Variants in SUZ12 observed in about 807,000 individuals in gnomAD.
SUZ12 encodes SUZ12 polycomb repressive complex 2 subunit, also known as polycomb protein SUZ12.
Under a neutral mutation model 87.3 loss-of-function variants are expected in SUZ12, and 17 were observed. The ratio of observed to expected loss-of-function variants is 0.19; its 90% confidence interval spans 0.13 to 0.29. The LOEUF is 0.29. SUZ12 is among the 10% of genes least tolerant of loss of function. The pLI, the probability that SUZ12 is intolerant of heterozygous loss-of-function variation, is 1.00. For synonymous variants in SUZ12, 253 were observed against 312.4 expected (o/e 0.81, Z 2.01); for missense variants, 526 against 912.2 (o/e 0.58, Z 5.45).
chr17:31,991,402 G>A (rs1179388404), intron 10 of SUZ12, among the ~76,000 whole-genome samples: 2 of 144,786 alleles, frequency 1.4e-5, no homozygotes, highest in Non-Finnish European at 2.9e-5. Flanking sequence ...CAGGGGAAAG[G>A]TTTTGCAAGT....
chr17:31,937,351 G>T lies in SUZ12; in HGVS notation c.105G>T (p.Thr35=). 6.7e-7 allele frequency: 1 copy of T among 1,488,766 alleles called. No homozygotes were observed. 92.2% of individuals were successfully genotyped at this position (1,488,766 alleles called of 1,614,324 possible). A position where few individuals can be genotyped will look rare whatever the true frequency, so the allele number is the denominator to read the frequency against. ...FGGSAAVAAA[T]ASGGKSGGGS... ...GTTCGGCGGCGGTGGCGGCGGCGAC[G>T]GCTTCGGGCGGCAAATCCGGCGGCG... Residue 35 remains threonine (T), a synonymous_variant, in exon 1 of 16, where the codon ACG becomes ACT. Transcript: ENST00000322652.
chr17:31,975,497 A>G lies in SUZ12; in HGVS notation c.607A>G (p.Ile203Val), dbSNP rs368713662. The G allele has an allele frequency of 2.7e-5, 44 of 1,612,954 alleles. No homozygotes were observed. The highest frequency in any genetic ancestry group is 3.4e-5 in the Non-Finnish European group (40 of 1,179,492). Residue 203 changes from isoleucine to valine, a missense_variant, in exon 7 of 16, where the codon ATA becomes GTA. Transcript: ENST00000322652. ...ACCTTTGCAGGATGTAAGTTGTCCA[A>G]TAAGGCAAGTTCCCACAGGTAAAAA... is the stretch of plus-strand genomic sequence containing the variant. ...HKKRKDVSCP[I>V]RQVPTGKKQV...
intron 4 of SUZ12, among the ~76,000 whole-genome samples, chr17:31,963,182 T>C (rs1308897367): frequency 6.6e-6 from 1 of 152,132 alleles, no homozygotes; most frequent in Admixed American, 6.5e-5. Context: ...TCTTGCTCTG[T>C]CGCCCAGGCT....
chr17:31,970,430 C>A (rs1213886812), intron 5 of SUZ12, among the ~76,000 whole-genome samples: 2 of 152,018 alleles, frequency 1.3e-5, no homozygotes, highest in Non-Finnish European at 2.9e-5. Flanking sequence ...GAGTTTGAGA[C>A]CAGCCTGGCC....
At chr17:31,984,128 C>T (rs948246994) in intron 9 of SUZ12, among the ~76,000 whole-genome samples, 35 of 151,914 alleles carry the variant, frequency 2.3e-4, no homozygotes, top group Non-Finnish European at 4.6e-4. Flanking sequence ...GTATGATATA[C>T]GATATACAGT....
chr17:31,984,367 A>G (rs1368752178), intron 9 of SUZ12, among the ~76,000 whole-genome samples: 1 of 152,216 alleles, frequency 6.6e-6, no homozygotes, highest in Non-Finnish European at 1.5e-5. Flanking sequence ...GACCTAATAC[A>G]TTCTGCAAGG....
chr17:31,986,644 C>G (rs1253785916), intron 9 of SUZ12, among the ~76,000 whole-genome samples: 2 of 152,060 alleles, frequency 1.3e-5, no homozygotes, highest in Non-Finnish European at 2.9e-5. Flanking sequence ...CTCTGCCTTT[C>G]GAGTTCAAGC....
chr17:31,998,917 T>A lies in SUZ12; in HGVS notation c.2134T>A (p.Phe712Ile). 1 of 1,612,558 alleles carries A rather than the reference T, an allele frequency of 6.2e-7. No homozygotes were observed. The highest frequency in any genetic ancestry group is 1.1e-5 in the South Asian group (1 of 90,754). Residue 712 changes from phenylalanine (F) to isoleucine (I), a missense_variant, in exon 16 of 16, where the codon TTT becomes ATT. Phe to Ile is a conservative substitution (Grantham distance 21, BLOSUM62 0). Transcript: ENST00000322652. Reference sequence around the variant, plus strand: ...AGAACAAAATGGGACAGCAAATGGATTTAGTGAAATTAACTCAAAAGAGAA... The same window carrying A: ...AGAACAAAATGGGACAGCAAATGGAATTAGTGAAATTAACTCAAAAGAGAA... ...TEEQNGTANG[F>I]SEINSKEKAL...
intron 11 of SUZ12, 51 bp from the exon 12 acceptor site, chr17:31,993,814 T>C (rs1313500431): frequency 1.3e-6 from 2 of 1,536,298 alleles, no homozygotes; most frequent in Admixed American, 4.2e-5. Flanking sequence ...AAACAAAATA[T>C]CTTGTTATGC....
In SUZ12 at chr17:31,998,051, A is replaced by G. The variant is rs151195317; in HGVS notation, c.1875-607A>G. Reference sequence around the variant, plus strand: ...TGAGGAATTCAAGACCAACCTGGGCAACACAGTGAAACCTTGTCTCTACTA... The same window carrying G: ...TGAGGAATTCAAGACCAACCTGGGCGACACAGTGAAACCTTGTCTCTACTA... On this transcript the variant is annotated intron_variant, in intron 15 of 15. Coordinates refer to ENST00000322652, the MANE Select transcript of SUZ12 (RefSeq NM_015355.4). Among the ~76,000 whole-genome samples, 321 of 152,056 alleles carry G rather than the reference A, an allele frequency of 2.1e-3. 2 individuals are homozygous for G. The highest frequency in any genetic ancestry group is 7.3e-3 in the African/African-American group (301 of 41,480).
Position 31,975,580 on chromosome 17 carries a change from T to C in SUZ12, c.690T>C (p.Leu230=). 1.1e-5 allele frequency: 18 copies of C among 1,613,924 alleles called. No homozygotes were observed. Among genetic ancestry groups the C allele is most frequent in the Non-Finnish European group, 1.5e-5 (18 of 1,179,858 alleles). The change falls in exon 7 of 16, where the codon CTT becomes CTC. Residue 230 remains leucine, a synonymous_variant. Transcript: ENST00000322652. ...NQTKPGNFPS[L]AVSSNEFEPS... The stretch of plus-strand genomic sequence containing the variant: ...CAAAACCCGGAAATTTCCCGTCCCT[T>C]GCAGTTTCCAGTAATGAATTTGAAC...
intron 3 of SUZ12, among the ~76,000 whole-genome samples, chr17:31,942,560 C>A (rs1344908752): frequency 6.6e-6 from 1 of 151,864 alleles, no homozygotes; most frequent in Non-Finnish European, 1.5e-5. Flanking sequence ...TGGTCTTGAA[C>A]TCCTGACCTC....
At chr17:31,955,927 T>G (rs1907301533) in intron 4 of SUZ12, among the ~76,000 whole-genome samples, 1 of 151,766 alleles carries the variant, frequency 6.6e-6, no homozygotes, top group Non-Finnish European at 1.5e-5. Context: ...ATTTTTTGTT[T>G]TTGAGATGGA....
rs146416721 is a variant in SUZ12, at chr17:31,969,205, C to T, written c.505+3009C>T. Among the ~76,000 whole-genome samples the T allele has an allele frequency of 1.9e-3, 283 of 152,184 alleles. 3 individuals carry two copies. The highest frequency in any genetic ancestry group is 6.3e-3 in the African/African-American group (260 of 41,544). ...GGTTGCCCAGGCTGGAGTGCAATGG[C>T]GCAATCTCGGCTCACCACAACCTCT... is the stretch of plus-strand genomic sequence containing the variant. On this transcript the variant is annotated intron_variant, in intron 5 of 15. Coordinates refer to ENST00000322652, the MANE Select transcript of SUZ12 (RefSeq NM_015355.4).
intron 3 of SUZ12, among the ~76,000 whole-genome samples, chr17:31,943,026 GT>G (rs1184713769): frequency 1.3e-5 from 2 of 152,208 alleles, no homozygotes; most frequent in Non-Finnish European, 2.9e-5. Context: ...TAGTTGAGTT[GT>G]GTAAATCTTG....
chr17:31,982,648 C>CA (rs1387286969), intron 8 of SUZ12, among the ~76,000 whole-genome samples: 1 of 151,808 alleles, frequency 6.6e-6, no homozygotes, highest in Non-Finnish European at 1.5e-5. Flanking sequence ...TGCAACAGAG[C>CA]AAGACTCCAT....
intron 6 of SUZ12, among the ~76,000 whole-genome samples, chr17:31,974,747 T>A (rs982620824): frequency 6.6e-6 from 1 of 152,208 alleles, no homozygotes; most frequent in Non-Finnish European, 1.5e-5. Context: ...TATAGTCTTA[T>A]AAAATAGAAA....
At chr17:31,998,348 GAATTA>G (rs1910092199) in intron 15 of SUZ12, among the ~76,000 whole-genome samples, 1 of 152,064 alleles carries the variant, frequency 6.6e-6, no homozygotes, top group African/African-American at 2.4e-5. Context: ...CAAAGTGCTA[GAATTA>G]CAGGCGTAAT....
intron 5 of SUZ12, 113 bp downstream of exon 5, chr17:31,966,309 A>G (rs1908084177): frequency 1.1e-6 from 1 of 935,074 alleles, no homozygotes; most frequent in Admixed American, 2.8e-5. Flanking sequence ...AATGGAAAAT[A>G]TGTTGGTTCT....
Sources: allele counts gnomAD v4.1 joint callset (sites outside exome capture counted in the v4.1 genomes callset), GRCh38; gene constraint gnomAD v4.1.1; transcripts MANE v1.5; gene names NCBI Gene and HGNC (gene_info 2026-07-23, HGNC 2026-07-21).